The following RBFOX1 variants were observed in gnomAD, a reference collection of about 807,000 sequenced individuals.
RBFOX1 encodes the protein RNA binding fox-1 homolog 1.
A neutral mutation model predicts 57.7 loss-of-function variants in RBFOX1; 8 were observed. That is an observed-to-expected ratio of 0.14 (90% CI 0.08 to 0.25). The LOEUF (loss-of-function observed/expected upper bound fraction) is 0.25, where lower values mean the gene tolerates loss of function less well. RBFOX1 is among the 10% of genes least tolerant of loss of function. The pLI, the probability that RBFOX1 is intolerant of heterozygous loss-of-function variation, is 1.00. For missense variants in RBFOX1, 611 were observed against 548.5 expected, an observed-to-expected ratio of 1.11 and a Z score of -1.14; for synonymous variants, 326 against 222.4, an observed-to-expected ratio of 1.47 and a Z score of -4.15.
intron 4 of RBFOX1, among the ~76,000 whole-genome samples, chr16:7,417,979 C>G (rs1178115581): frequency 1.3e-5 from 2 of 152,128 alleles, no homozygotes; most frequent in East Asian, 3.9e-4. Flanking sequence ...ACCACAACCA[C>G]CCTCATCCCA....
At chr16:6,076,125 C>T (rs1369877387) in intron 1 of RBFOX1, among the ~76,000 whole-genome samples, 2 of 152,000 alleles carry the variant, frequency 1.3e-5, no homozygotes, top group Non-Finnish European at 2.9e-5. Flanking sequence ...ATGGAGAAAT[C>T]CCATCTCTAA....
chr16:6,765,646 A>T (rs887099340), intron 3 of RBFOX1, among the ~76,000 whole-genome samples: 1 of 152,184 alleles, frequency 6.6e-6, no homozygotes, highest in South Asian at 2.1e-4. Context: ...CACTCTACCC[A>T]ATACTGGGTC....
At chr16:7,058,612 T>C (rs1598366604) in intron 4 of RBFOX1, among the ~76,000 whole-genome samples, 1 of 152,026 alleles carries the variant, frequency 6.6e-6, no homozygotes, top group East Asian at 1.9e-4. Context: ...GTCTTCGTGT[T>C]TGTATTTTTG....
At chr16:5,244,132 G>C (rs778659478) in intron 1 of RBFOX1, among the ~76,000 whole-genome samples, 1 of 152,134 alleles carries the variant, frequency 6.6e-6, no homozygotes, top group Non-Finnish European at 1.5e-5. Context: ...CCTGACCTGA[G>C]GTGATCTGCC....
chr16:5,343,020 A>G (rs1000788590), intron 1 of RBFOX1, among the ~76,000 whole-genome samples: 5 of 152,190 alleles, frequency 3.3e-5, no homozygotes, highest in Admixed American at 1.3e-4. Context: ...GACTAAGTCA[A>G]TGGCATTCCA....
intron 2 of RBFOX1, among the ~76,000 whole-genome samples, chr16:6,603,919 G>T (rs537333812): frequency 6.6e-4 from 100 of 151,562 alleles, no homozygotes; most frequent in African/African-American, 2.3e-3. Flanking sequence ...CAGCTCTGGG[G>T]CGAGGGGGCT....
chr16:6,697,395 A>C (rs901023008), intron 3 of RBFOX1, among the ~76,000 whole-genome samples: 2 of 152,192 alleles, frequency 1.3e-5, no homozygotes, highest in African/African-American at 4.8e-5. Context: ...ACCCAATTCA[A>C]ACTACCTTCA....
chr16:5,703,658 C>G lies in RBFOX1; in HGVS notation c.318+104697C>G, dbSNP rs983479103. ...TTCAGCTCAGCCACTGAATAGGTTACTTAACTCTCTGAGCCCAGTTTTCTC... is the reference window on the plus strand; with the variant it reads ...TTCAGCTCAGCCACTGAATAGGTTAGTTAACTCTCTGAGCCCAGTTTTCTC... On this transcript the variant is annotated intron_variant, in intron 3 of 19. Coordinates refer to the RBFOX1 transcript ENST00000641259. Among the ~76,000 whole-genome samples the G allele has an allele frequency of 1.1e-4, 17 of 152,258 alleles. No homozygotes were observed. In the South Asian group the frequency reaches 1.7e-3, roughly 15 times the overall value.
chr16:6,834,320 C>G (rs1394891205), intron 3 of RBFOX1, among the ~76,000 whole-genome samples: 1 of 152,096 alleles, frequency 6.6e-6, no homozygotes, highest in Non-Finnish European at 1.5e-5. Context: ...AAGTGATCCA[C>G]CCACCTCGGC....
chr16:7,133,622 G>T (rs1454320813), intron 4 of RBFOX1, among the ~76,000 whole-genome samples: 4 of 152,260 alleles, frequency 2.6e-5, no homozygotes, highest in East Asian at 3.9e-4. Context: ...TTTATTGGTG[G>T]AATGAAAGTA....
At chr16:5,839,005 C>G (rs995301022) in intron 3 of RBFOX1, among the ~76,000 whole-genome samples, 1 of 152,102 alleles carries the variant, frequency 6.6e-6, no homozygotes, top group Non-Finnish European at 1.5e-5. Flanking sequence ...TTTCACAGCT[C>G]GCTGGGGAGT....
At chr16:7,012,230 T>C (rs1455886263) in intron 3 of RBFOX1, among the ~76,000 whole-genome samples, 1 of 152,184 alleles carries the variant, frequency 6.6e-6, no homozygotes, top group East Asian at 1.9e-4. Flanking sequence ...GCTTAACTCA[T>C]AACATCAGCA....
chr16:7,481,269 G>T (rs973302414), intron 4 of RBFOX1, among the ~76,000 whole-genome samples: 1 of 152,162 alleles, frequency 6.6e-6, no homozygotes, highest in Non-Finnish European at 1.5e-5. Flanking sequence ...TCTTCAGGGT[G>T]CTTACGGTTT....
chr16:7,062,890 G>A (rs1353250391), intron 4 of RBFOX1, among the ~76,000 whole-genome samples: 2 of 80,258 alleles, frequency 2.5e-5, no homozygotes, highest in Non-Finnish European at 4.3e-5. Flanking sequence ...TCAAATGATC[G>A]CCATTTTTTT....
chr16:6,499,677 A>C (rs2095861132), intron 2 of RBFOX1, among the ~76,000 whole-genome samples: 1 of 152,016 alleles, frequency 6.6e-6, no homozygotes, highest in Non-Finnish European at 1.5e-5. Context: ...ACATCACTTC[A>C]GTGACCCCAG....
chr16:7,139,978 T>C (rs1355271894), intron 4 of RBFOX1, among the ~76,000 whole-genome samples: 2 of 152,072 alleles, frequency 1.3e-5, no homozygotes, highest in African/African-American at 4.8e-5. Flanking sequence ...TGACTTGATA[T>C]CCAAGTCAAG....
chr16:6,659,918 T>C (rs17722228), intron 3 of RBFOX1, among the ~76,000 whole-genome samples: 60,096 of 151,870 alleles, frequency 0.4, 13,197 homozygotes, highest in South Asian at 0.52. Flanking sequence ...GATACACGGG[T>C]TAGAAATTAT....
At chr16:7,329,219 A>G (rs926048416) in intron 4 of RBFOX1, among the ~76,000 whole-genome samples, 3 of 152,162 alleles carry the variant, frequency 2.0e-5, no homozygotes, top group Non-Finnish European at 4.4e-5. Flanking sequence ...GCAGATGGCA[A>G]TACACGGCTC....
At chr16:7,703,681 C>G (rs1433415577) in intron 14 of RBFOX1, among the ~76,000 whole-genome samples, 1 of 152,178 alleles carries the variant, frequency 6.6e-6, no homozygotes, top group Non-Finnish European at 1.5e-5. Flanking sequence ...GTACTTCTTG[C>G]TAACGTGTCT....
Sources: allele counts gnomAD v4.1 joint callset (sites outside exome capture counted in the v4.1 genomes callset), GRCh38; gene constraint gnomAD v4.1.1; transcripts MANE v1.5; gene names NCBI Gene and HGNC (gene_info 2026-07-23, HGNC 2026-07-21).